The following ARMC7 variants were observed in gnomAD, a reference collection of about 807,000 sequenced individuals.
The protein encoded by ARMC7 is armadillo repeat-containing protein 7.
Under a neutral mutation model 14.8 loss-of-function variants are expected in ARMC7, and 9 were observed. The ratio of observed to expected loss-of-function variants is 0.61; its 90% CI spans 0.37 to 1.06. The LOEUF is 1.06. Among genes scored for constraint, ARMC7 ranks in the 50% least tolerant of loss-of-function variants. The pLI, the probability that ARMC7 is intolerant of heterozygous loss-of-function variation, is 0.01. For missense variants in ARMC7, 262 were observed against 267.1 expected, an observed-to-expected ratio of 0.98 and a Z score of 0.13; for synonymous variants, 125 against 123.4, an observed-to-expected ratio of 1.01 and a Z score of -0.09.
intron 2 of ARMC7, chr17:75,114,327 T>G (rs1163253807): frequency 1.0e-5 from 4 of 399,378 alleles, no homozygotes; most frequent in Non-Finnish European, 1.8e-5. Context: ...CCAAGTGGAG[T>G]CTTTCCTGCT....
intron 2 of ARMC7, among the ~76,000 whole-genome samples, chr17:75,111,273 C>T (rs2073920312): frequency 6.6e-6 from 1 of 151,702 alleles, no homozygotes; most frequent in Non-Finnish European, 1.5e-5. Context: ...GGTGAAACCC[C>T]ATCTCTAACT....
Position 75,110,131 on chromosome 17 carries a change from A to C in ARMC7, c.-158A>C. ...TCTCCCATATCCCATTTCCAGCTGC[A>C]AATTACTGCAGAATCTGAACCCAGG... On this transcript the variant is annotated 5_prime_UTR_variant, in exon 1 of 3. Transcript: ENST00000245543. 1 of 674,446 alleles carries C rather than the reference A, an allele frequency of 1.5e-6. No homozygotes were observed. The highest frequency in any genetic ancestry group is 2.5e-6 in the Non-Finnish European group (1 of 405,740). 41.8% of individuals were successfully genotyped at this position (674,446 alleles called of 1,614,324 possible). A position where few individuals can be genotyped will look rare whatever the true frequency, so the allele number is the denominator to read the frequency against.
chr17:75,118,103 C>T (rs1275833331), intron 2 of ARMC7, among the ~76,000 whole-genome samples: 6 of 142,584 alleles, frequency 4.2e-5, no homozygotes, highest in Non-Finnish European at 5.9e-5. Context: ...CCAGCATGGG[C>T]GACAAAGCAA....
At chr17:75,117,588 G>A (rs2073982368) in intron 2 of ARMC7, among the ~76,000 whole-genome samples, 3 of 152,192 alleles carry the variant, frequency 2.0e-5, no homozygotes, top group Admixed American at 1.3e-4. Context: ...GATCATAGGT[G>A]GCTTCAAAGA....
intron 2 of ARMC7, among the ~76,000 whole-genome samples, chr17:75,126,880 G>A (rs2074055393): frequency 6.6e-6 from 1 of 151,474 alleles, no homozygotes; most frequent in Admixed American, 6.6e-5. Context: ...GGCCAACATG[G>A]TGAAACCCCG....
At chr17:75,110,634 C>T in intron 2 of ARMC7, 28 bp downstream of exon 2, 1 of 1,612,954 alleles carries the variant, frequency 6.2e-7, no homozygotes, top group Non-Finnish European at 8.5e-7. Context: ...TCCCTAGATG[C>T]CTAAATGGGC....
chr17:75,123,487 G>A (rs1412732535), intron 2 of ARMC7, among the ~76,000 whole-genome samples: 1 of 151,388 alleles, frequency 6.6e-6, no homozygotes, highest in East Asian at 2.0e-4. Flanking sequence ...CTGAGTAGCT[G>A]GGACTACAGG....
intron 2 of ARMC7, among the ~76,000 whole-genome samples, chr17:75,118,648 G>T (rs1357421190): frequency 6.6e-6 from 1 of 152,202 alleles, no homozygotes; most frequent in Admixed American, 6.5e-5. Context: ...TGTAGAACTA[G>T]TTTATTGACC....
At position 75,128,651 on chromosome 17, in the gene ARMC7, C is replaced by T. The variant is rs978442305; in HGVS notation, c.236-26C>T. ...GGGAGGAGGCCCGGGGCTACAGCAT[C>T]CAGACTCTTCCTTGCTCTCCCACAG... On this transcript the variant is annotated intron_variant, in intron 2 of 2. Coordinates refer to ENST00000245543, the MANE Select transcript of ARMC7 (RefSeq NM_024585.4). 2.5e-6 allele frequency: 4 copies of T among 1,595,132 alleles called. No individual in the cohort carries two copies. In the African/African-American group the frequency reaches 5.4e-5, roughly 21 times the overall value.
chr17:75,121,501 C>T (rs1018273455), intron 2 of ARMC7, among the ~76,000 whole-genome samples: 3 of 152,180 alleles, frequency 2.0e-5, no homozygotes, highest in Admixed American at 6.5e-5. Context: ...GCAACCTCCG[C>T]CTCCTGGGTT....
At chr17:75,127,653 T>C (rs2074061682) in intron 2 of ARMC7, among the ~76,000 whole-genome samples, 1 of 152,240 alleles carries the variant, frequency 6.6e-6, no homozygotes, top group African/African-American at 2.4e-5. Flanking sequence ...TGGAGTGCAG[T>C]GGTGCGTTCA....
Position 75,129,928 on chromosome 17 carries a change from ACGGC to A in ARMC7, c.*891_*894del, listed in dbSNP as rs2074090085. ...TGTTGCTCAAGGGAGTCAGGAAGAG[ACGGC>A]AACGTAAAGGATGTGGCTCCATGTC... is the stretch of plus-strand genomic sequence containing the variant. On this transcript the variant is annotated 3_prime_UTR_variant, in exon 3 of 3. Coordinates refer to ENST00000245543, the MANE Select transcript of ARMC7 (RefSeq NM_024585.4). 6.5e-6 allele frequency: 1 copy of A among 153,172 alleles called. No individual in the cohort carries two copies. Among genetic ancestry groups the A allele is most frequent in the South Asian group, 2.0e-4 (1 of 4,920 alleles). 9.5% of individuals were successfully genotyped at this position (153,172 alleles called of 1,614,324 possible).
In ARMC7 at chr17:75,125,085, A is replaced by ACTC. The variant is rs1267055887; in HGVS notation, c.236-3591_236-3589dup. 2.0e-5 allele frequency among the ~76,000 whole-genome samples: 3 copies of ACTC among 151,784 alleles called. No individual in the cohort carries two copies. In the South Asian group the frequency reaches 6.2e-4, roughly 32 times the overall value. On this transcript the variant is annotated intron_variant, in intron 2 of 2. Coordinates refer to ENST00000245543, the MANE Select transcript of ARMC7 (RefSeq NM_024585.4). ...GGCCTGCTTGCCCTCTGCTGCTGCT[A>ACTC]CTCTTTCTCAGGACTCCAGAGAGGC...
intron 2 of ARMC7, among the ~76,000 whole-genome samples, chr17:75,125,875 C>T (rs2074047825): frequency 6.6e-6 from 1 of 152,088 alleles, no homozygotes. Flanking sequence ...AAAGCAGGAC[C>T]AGCCTGACCC....
At chr17:75,114,596 G>A (rs1317294639) in intron 2 of ARMC7, 1 of 395,380 alleles carries the variant, frequency 2.5e-6, no homozygotes, top group Non-Finnish European at 4.5e-6. Flanking sequence ...GCAAGCAGTT[G>A]TGGGAGCAGA....
At position 75,110,016 on chromosome 17, in the gene ARMC7, G is replaced by C. The variant is rs1458076384; in HGVS notation, c.-273G>C. 1 of 386,822 alleles carries C rather than the reference G, an allele frequency of 2.6e-6. No individual in the cohort carries two copies. The highest frequency in any genetic ancestry group is 2.1e-5 in the African/African-American group (1 of 47,690). 24.0% of individuals were successfully genotyped at this position (386,822 alleles called of 1,614,324 possible). A position where few individuals can be genotyped will look rare whatever the true frequency, so the allele number is the denominator to read the frequency against. ...GACGGTGCGCCAGTGCCCCCTCCGC[G>C]AGCCCCAACCAGTAGACGGTTCCCT... On this transcript the variant is annotated 5_prime_UTR_variant, in exon 1 of 3. Coordinates refer to ENST00000245543, the MANE Select transcript of ARMC7 (RefSeq NM_024585.4).
chr17:75,129,009 C>T lies in ARMC7; in HGVS notation c.568C>T (p.Pro190Ser). ...GCACTCTGCCCTGGGTATCCCACTGCCGAGGAGCGTGGCCCCACGGCAGCG... is the reference window on the plus strand; with the variant it reads ...GCACTCTGCCCTGGGTATCCCACTGTCGAGGAGCGTGGCCCCACGGCAGCG... ...QAHSALGIPL[P>S]RSVAPRQR is the part of the protein sequence containing the mutation. Residue 190 changes from proline (P) to serine (S), a missense_variant, in exon 3 of 3, where the codon CCG becomes TCG. Pro to Ser is a moderately conservative substitution (Grantham distance 74). Coordinates refer to ENST00000245543, the MANE Select transcript of ARMC7 (RefSeq NM_024585.4). The T allele has an allele frequency of 6.3e-7, 1 of 1,599,200 alleles. No homozygotes were observed. Among genetic ancestry groups the T allele is most frequent in the East Asian group, 2.2e-5 (1 of 44,858 alleles).
intron 2 of ARMC7, among the ~76,000 whole-genome samples, chr17:75,117,112 C>T (rs1338355942): frequency 2.6e-5 from 4 of 152,122 alleles, no homozygotes; most frequent in African/African-American, 4.8e-5. Flanking sequence ...ATTCTCACTC[C>T]GTTGCCCAGG....
chr17:75,115,740 T>A (rs2073968688), intron 2 of ARMC7, among the ~76,000 whole-genome samples: 1 of 152,114 alleles, frequency 6.6e-6, no homozygotes, highest in Non-Finnish European at 1.5e-5. Flanking sequence ...GGCAGCACAG[T>A]GAGTTGGATG....
Sources: allele counts gnomAD v4.1 joint callset (sites outside exome capture counted in the v4.1 genomes callset), GRCh38; gene constraint gnomAD v4.1.1; transcripts MANE v1.5; gene names NCBI Gene and HGNC (gene_info 2026-07-23, HGNC 2026-07-21).